Variants in RAI1 observed in about 807,000 individuals in gnomAD.
RAI1 encodes retinoic acid induced 1.
Under a neutral mutation model 123.8 loss-of-function variants are expected in RAI1, and 9 were observed. The observed-to-expected ratio is 0.07, with a 90% CI of 0.04 to 0.13. The LOEUF is 0.13. Ranked by LOEUF, RAI1 falls within the 10% of genes least tolerant of loss-of-function variation. The pLI, the probability that RAI1 is intolerant of heterozygous loss-of-function variation, is 1.00. For synonymous variants in RAI1, 1,231 were observed against 1,127.3 expected, an observed-to-expected ratio of 1.09 and a Z score of -1.84; for missense variants, 2,256 against 2,545.8, an observed-to-expected ratio of 0.89 and a Z score of 2.45.
At chr17:17,731,048 C>G (rs1916252355) in intron 2 of RAI1, among the ~76,000 whole-genome samples, 1 of 152,208 alleles carries the variant, frequency 6.6e-6, no homozygotes, top group Admixed American at 6.5e-5. Flanking sequence ...GCCAGAGCAT[C>G]AGGCATGGTG....
intron 2 of RAI1, among the ~76,000 whole-genome samples, chr17:17,739,039 C>T (rs1916530056): frequency 6.6e-6 from 1 of 152,190 alleles, no homozygotes. Flanking sequence ...ACAGCCTGCC[C>T]AAGGCCTCCT....
Position 17,688,025 on chromosome 17 carries a change from CAAA to C in RAI1, c.-149+6251_-149+6253del, listed in dbSNP as rs61049701. ...AGCCTGGGTGAAGGAGACTCTGTCT[CAAA>C]AAAAAAAAAAAAAAAAAAGTGAGTG... On this transcript the variant is annotated intron_variant, in intron 1 of 5. Transcript: ENST00000353383. 2.1e-3 allele frequency among the ~76,000 whole-genome samples: 192 copies of C among 90,028 alleles called. 3 individuals carry two copies. The highest frequency in any genetic ancestry group is 6.5e-3 in the African/African-American group (135 of 20,804). The allele number at this position is 90,028 out of a possible 152,430, so 59.1% of individuals were successfully genotyped here.
At chr17:17,695,650 C>T (rs1283714100) in intron 1 of RAI1, among the ~76,000 whole-genome samples, 1 of 152,146 alleles carries the variant, frequency 6.6e-6, no homozygotes, top group East Asian at 1.9e-4. Flanking sequence ...CCTCAGCCTC[C>T]CGAGTAGCTG....
chr17:17,757,118 G>A (rs144781880), intron 2 of RAI1, among the ~76,000 whole-genome samples: 35 of 152,304 alleles, frequency 2.3e-4, no homozygotes, highest in African/African-American at 8.2e-4. Flanking sequence ...TTGGAGCGGG[G>A]TCCAGGGAGA....
intron 1 of RAI1, among the ~76,000 whole-genome samples, chr17:17,698,873 TC>T (rs1915122663): frequency 6.6e-6 from 1 of 152,214 alleles, no homozygotes; most frequent in Non-Finnish European, 1.5e-5. Context: ...ACACACAAAA[TC>T]CCTGCCCTTG....
rs746334759 is a variant in RAI1, at chr17:17,686,761, C to CTGCTGCTGG, written c.-149+4969_-149+4977dup. ...AGGAGTGAGGGAGAAGTTCCTGCTG[C>CTGCTGCTGG]TGCTGCTGGAGAGTATGAAGAGTGT... On this transcript the variant is annotated intron_variant, in intron 1 of 5. Transcript: ENST00000353383. Among the ~76,000 whole-genome samples the CTGCTGCTGG allele has an allele frequency of 1.1e-3, 170 of 151,962 alleles. 1 individual carries two copies. The highest frequency in any genetic ancestry group is 1.1e-3 in the Non-Finnish European group (73 of 67,946).
chr17:17,745,146 G>A (rs1175913921), intron 2 of RAI1, among the ~76,000 whole-genome samples: 1 of 152,120 alleles, frequency 6.6e-6, no homozygotes, highest in African/African-American at 2.4e-5. Context: ...AATGGGGATC[G>A]GGGAACCTTG....
intron 1 of RAI1, among the ~76,000 whole-genome samples, chr17:17,688,079 C>T (rs992477504): frequency 4.1e-5 from 6 of 144,824 alleles, no homozygotes; most frequent in Admixed American, 2.1e-4. Flanking sequence ...ATCTGGAAAG[C>T]AAGGAGGTCC....
At position 17,811,137 on chromosome 17, in the gene RAI1, C is replaced by G; in HGVS notation, c.*1156C>G. 3.5e-6 allele frequency: 1 copy of G among 283,810 alleles called. No individual in the cohort carries two copies. Among genetic ancestry groups the G allele is most frequent in the Non-Finnish European group, 6.9e-6 (1 of 143,904 alleles). 17.6% of individuals were successfully genotyped at this position (283,810 alleles called of 1,614,324 possible). A position where few individuals can be genotyped will look rare whatever the true frequency, so the allele number is the denominator to read the frequency against. On this transcript the variant is annotated 3_prime_UTR_variant, in exon 6 of 6. Coordinates refer to ENST00000353383, the MANE Select transcript of RAI1 (RefSeq NM_030665.4). ...CAGCTCTGTCCACGCTTCGATAGGCCTGACGCAGCCCCCAGCCCAGGGCCG... is the reference window on the plus strand; with the variant it reads ...CAGCTCTGTCCACGCTTCGATAGGCGTGACGCAGCCCCCAGCCCAGGGCCG...
chr17:17,700,867 G>T (rs978485524), intron 1 of RAI1, among the ~76,000 whole-genome samples: 7 of 152,242 alleles, frequency 4.6e-5, no homozygotes, highest in African/African-American at 1.7e-4. Context: ...GGCCCTTCGG[G>T]ACCGCTGCTG....
At chr17:17,786,972 C>T (rs769231130) in intron 2 of RAI1, among the ~76,000 whole-genome samples, 2 of 152,178 alleles carry the variant, frequency 1.3e-5, no homozygotes, top group South Asian at 2.1e-4. Flanking sequence ...ACCCGGGAGG[C>T]GGAGGTTGTG....
At chr17:17,720,565 A>T (rs1915848043) in intron 1 of RAI1, among the ~76,000 whole-genome samples, 1 of 152,204 alleles carries the variant, frequency 6.6e-6, no homozygotes, top group South Asian at 2.1e-4. Context: ...TTTGGGGTCC[A>T]TGCACACTTA....
Position 17,801,626 on chromosome 17 carries a change from G to T in RAI1, c.5566-2130G>T, listed in dbSNP as rs985800101. 6.6e-6 allele frequency among the ~76,000 whole-genome samples: 1 copy of T among 152,216 alleles called. No individual in the cohort carries two copies. Among genetic ancestry groups the T allele is most frequent in the Non-Finnish European group, 1.5e-5 (1 of 68,040 alleles). On this transcript the variant is annotated intron_variant, in intron 3 of 5. Transcript: ENST00000353383. The surrounding 1 kb of genome is among the most constrained non-coding windows in gnomAD (Gnocchi z 4.1). ...TCTCCAGGAGGCCATCCCAGACTAG[G>T]CGGGAAGGAGGCCTCAGCCCTGAGC...
rs557592180 is a variant in RAI1, at chr17:17,800,186, C to G, written c.5565+1673C>G. ...CTGCTTTCTGTCTCTCTCTGTCTCT[C>G]TCTCTCTCTCTCTCTCTCTCTCTCT... is the stretch of plus-strand genomic sequence containing the variant. On this transcript the variant is annotated intron_variant, in intron 3 of 5. Transcript: ENST00000353383. This position sits in a 1 kb window ranked among gnomAD's most constrained non-coding sequence, Gnocchi z 4.7. 3.1e-4 allele frequency among the ~76,000 whole-genome samples: 17 copies of G among 55,572 alleles called. No homozygotes were observed. In the East Asian group the frequency reaches 0.013, roughly 43 times the overall value. The allele number at this position is 55,572 out of a possible 152,430, so 36.5% of individuals were successfully genotyped here.
Position 17,800,361 on chromosome 17 carries a change from G to C in RAI1, c.5565+1848G>C, listed in dbSNP as rs1695799787. 6.6e-6 allele frequency among the ~76,000 whole-genome samples: 1 copy of C among 152,074 alleles called. No individual in the cohort carries two copies. The highest frequency in any genetic ancestry group is 2.4e-5 in the African/African-American group (1 of 41,388). On this transcript the variant is annotated intron_variant, in intron 3 of 5. Transcript: ENST00000353383. The surrounding 1 kb of genome is among the most constrained non-coding windows in gnomAD (Gnocchi z 4.7). Reference sequence around the variant, plus strand: ...TCACAGCCCCATTCCTGAAAGCCTTGTCCCCACGGCATCCTCGGTCCCGCA... The same window carrying C: ...TCACAGCCCCATTCCTGAAAGCCTTCTCCCCACGGCATCCTCGGTCCCGCA...
At chr17:17,735,975 T>C (rs1445612660) in intron 2 of RAI1, among the ~76,000 whole-genome samples, 3 of 152,180 alleles carry the variant, frequency 2.0e-5, no homozygotes, top group Non-Finnish European at 4.4e-5. Context: ...TGGTGTGTGA[T>C]GTGTGACAGT....
At chr17:17,772,346 C>T (rs952973793) in intron 2 of RAI1, among the ~76,000 whole-genome samples, 5 of 152,216 alleles carry the variant, frequency 3.3e-5, no homozygotes, top group African/African-American at 9.6e-5. Context: ...CTCTGGGGGA[C>T]AGTCCCAGCT....
chr17:17,691,671 C>T (rs555327912), intron 1 of RAI1, among the ~76,000 whole-genome samples: 1 of 152,162 alleles, frequency 6.6e-6, no homozygotes, highest in Non-Finnish European at 1.5e-5. Flanking sequence ...GGCCTGGCCT[C>T]GGGGGGCCCA....
chr17:17,713,901 TG>T (rs1915637067), intron 1 of RAI1, among the ~76,000 whole-genome samples: 1 of 152,156 alleles, frequency 6.6e-6, no homozygotes, highest in Non-Finnish European at 1.5e-5. Context: ...CTTGGGAGGT[TG>T]GGAGCAGGAG....
Sources: gnomAD v4.1 joint callset for allele counts (sites outside exome capture counted in the v4.1 genomes callset) on GRCh38, gnomAD v4.1.1 for gene constraint, Gnocchi (gnomAD v3.1) non-coding constraint, MANE v1.5 for transcripts, NCBI Gene and HGNC (gene_info 2026-07-23, HGNC 2026-07-21) for gene names.